The following SEMA3A variants were observed in gnomAD, a reference collection of about 807,000 sequenced individuals.
The protein encoded by SEMA3A is semaphorin 3A.
SEMA3A carries 29 observed loss-of-function variants against 97.9 expected under a neutral mutation model. The observed-to-expected ratio is 0.30, with a 90% CI of 0.22 to 0.40. The LOEUF is 0.40. Among genes scored for constraint, SEMA3A ranks in the 10% least tolerant of loss-of-function variants. The probability of loss-of-function intolerance (pLI) is 1.00; values close to 1 mark genes in which losing one functional copy is unlikely to be tolerated. For synonymous variants in SEMA3A, 321 were observed against 323.7 expected, an observed-to-expected ratio of 0.99 and a Z score of 0.09; for missense variants, 763 against 951.3, an observed-to-expected ratio of 0.80 and a Z score of 2.60.
intron 1 of SEMA3A, among the ~76,000 whole-genome samples, chr7:84,175,363 A>G (rs1237085123): frequency 6.6e-6 from 1 of 152,222 alleles, no homozygotes; most frequent in African/African-American, 2.4e-5. Flanking sequence ...TACGAATTAT[A>G]TTTTTTAATT....
At chr7:83,963,380 T>A in intron 15 of SEMA3A, 33 bp from the exon 16 acceptor site, 1 of 1,585,160 alleles carries the variant, frequency 6.3e-7, no homozygotes, top group Non-Finnish European at 8.6e-7. Context: ...AATGAGAAAA[T>A]ATTAGAGAAG....
At chr7:84,236,033 CT>C (rs1400955275) in intron 3 of SEMA3A, among the ~76,000 whole-genome samples, 1 of 152,102 alleles carries the variant, frequency 6.6e-6, no homozygotes, top group Non-Finnish European at 1.5e-5. Context: ...AGGCACATGC[CT>C]AATTGGCTAC....
intron 3 of SEMA3A, among the ~76,000 whole-genome samples, chr7:84,290,341 C>G (rs1415038353): frequency 6.6e-6 from 1 of 151,926 alleles, no homozygotes; most frequent in East Asian, 1.9e-4. Context: ...ATCCGAGGAC[C>G]TCTTCTTTGA....
chr7:84,364,664 C>T (rs1356822148), intron 2 of SEMA3A, among the ~76,000 whole-genome samples: 1 of 151,586 alleles, frequency 6.6e-6, no homozygotes, highest in Non-Finnish European at 1.5e-5. Flanking sequence ...CATTACCATG[C>T]TGTCACTTTA....
intron 1 of SEMA3A, among the ~76,000 whole-genome samples, chr7:84,424,533 T>TATATAAATATTAATATATATTATATATA (rs1804703269): frequency 1.6e-5 from 1 of 63,458 alleles, no homozygotes; most frequent in Non-Finnish European, 2.8e-5. Context: ...TTATATATAA[T>TATATAAATATTAATATATATTATATATA]ATATAAATAT....
chr7:84,179,998 T>C (rs1797690818), intron 1 of SEMA3A, among the ~76,000 whole-genome samples: 1 of 147,056 alleles, frequency 6.8e-6, no homozygotes, highest in African/African-American at 2.5e-5. Flanking sequence ...AATTTCGCTC[T>C]TGTTGTGGCG....
At chr7:84,452,444 T>G (rs987097473) in intron 1 of SEMA3A, among the ~76,000 whole-genome samples, 4 of 152,126 alleles carry the variant, frequency 2.6e-5, no homozygotes, top group Non-Finnish European at 4.4e-5. Flanking sequence ...TATCATACAC[T>G]TTGTGAGTAT....
At chr7:84,340,481 T>A (rs1375373139) in intron 2 of SEMA3A, among the ~76,000 whole-genome samples, 1 of 152,042 alleles carries the variant, frequency 6.6e-6, no homozygotes, top group Non-Finnish European at 1.5e-5. Context: ...ACATTTCTGA[T>A]GAAAATGCAT....
chr7:84,090,959 C>A (rs180956746), intron 4 of SEMA3A, among the ~76,000 whole-genome samples: 5 of 151,148 alleles, frequency 3.3e-5, no homozygotes. Flanking sequence ...CCCAACTACT[C>A]AGGAGGCTGA....
At chr7:84,234,474 C>T (rs1799188340) in intron 3 of SEMA3A, among the ~76,000 whole-genome samples, 1 of 152,018 alleles carries the variant, frequency 6.6e-6, no homozygotes, top group South Asian at 2.1e-4. Context: ...TTGTCTTTAT[C>T]TCTCTACTAC....
chr7:84,425,128 T>G (rs1297066628), intron 1 of SEMA3A, among the ~76,000 whole-genome samples: 1 of 109,592 alleles, frequency 9.1e-6, no homozygotes, highest in Non-Finnish European at 1.6e-5. Flanking sequence ...ATAAATTATT[T>G]ATATATAAAT....
intron 1 of SEMA3A, among the ~76,000 whole-genome samples, chr7:84,435,405 C>A (rs1013928972): frequency 1.3e-5 from 2 of 152,024 alleles, no homozygotes; most frequent in Admixed American, 1.3e-4. Context: ...GTCAGGAGAT[C>A]GAGACAATCC....
chr7:84,321,391 A>C (rs1002279654), intron 2 of SEMA3A, among the ~76,000 whole-genome samples: 1 of 152,220 alleles, frequency 6.6e-6, no homozygotes, highest in Non-Finnish European at 1.5e-5. Flanking sequence ...AGTGCAACAG[A>C]GACTCAATAT....
At chr7:84,484,168 A>ATATT (rs1453678134) in intron 1 of SEMA3A, among the ~76,000 whole-genome samples, 7 of 152,288 alleles carry the variant, frequency 4.6e-5, no homozygotes, top group African/African-American at 1.7e-4. Context: ...AGTACTAAAA[A>ATATT]TATTATAATC....
At chr7:84,484,263 T>C (rs1394434897) in intron 1 of SEMA3A, among the ~76,000 whole-genome samples, 6 of 152,222 alleles carry the variant, frequency 3.9e-5, no homozygotes, top group Admixed American at 2.6e-4. Context: ...AATGTAGTGT[T>C]CTTATAGTAG....
intron 4 of SEMA3A, among the ~76,000 whole-genome samples, chr7:84,105,173 T>C (rs1335034810): frequency 6.6e-6 from 1 of 152,180 alleles, no homozygotes; most frequent in East Asian, 1.9e-4. Context: ...TCCCAAGATA[T>C]CTGAATTTCT....
intron 2 of SEMA3A, among the ~76,000 whole-genome samples, chr7:84,313,008 GTATAT>G (rs1371071008): frequency 1.4e-5 from 2 of 138,746 alleles, no homozygotes; most frequent in Non-Finnish European, 3.1e-5. Context: ...AGATGTGTAT[GTATAT>G]TATATATGTA....
At chr7:84,025,222 T>G (rs934946442) in intron 6 of SEMA3A, among the ~76,000 whole-genome samples, 2 of 152,184 alleles carry the variant, frequency 1.3e-5, no homozygotes, top group African/African-American at 4.8e-5. Context: ...TAATTATAAA[T>G]TATGTAAATT....
At chr7:83,977,587 A>C (rs1216398796) in intron 14 of SEMA3A, among the ~76,000 whole-genome samples, 2 of 151,974 alleles carry the variant, frequency 1.3e-5, no homozygotes, top group Non-Finnish European at 2.9e-5. Context: ...TTTTCAATAA[A>C]GGGTAAATTA....
Sources: gnomAD v4.1 joint callset for allele counts (sites outside exome capture counted in the v4.1 genomes callset) on GRCh38, gnomAD v4.1.1 for gene constraint, MANE v1.5 for transcripts, NCBI Gene and HGNC (gene_info 2026-07-23, HGNC 2026-07-21) for gene names.